Variants in MYH11 observed in about 807,000 individuals in gnomAD.
MYH11 encodes myosin heavy chain 11, also known as myosin-11.
A neutral mutation model predicts 246.6 loss-of-function variants in MYH11; 80 were observed. That is an observed-to-expected ratio of 0.32 (90% CI 0.27 to 0.39). The LOEUF is 0.39. MYH11 is among the 10% of genes least tolerant of loss of function. MYH11 has a pLI of 1.00. For synonymous variants in MYH11, 1,071 were observed against 1,015.5 expected (o/e 1.05, Z -1.04); for missense variants, 2,158 against 2,546.8 (o/e 0.85, Z 3.29).
Position 15,703,849 on chromosome 16 carries a change from T to A in MYH11, c.*142A>T, listed in dbSNP as rs752462194. The A allele has an allele frequency of 3.4e-6, 4 of 1,177,752 alleles. 1 individual carries two copies. The South Asian group carries it at 3.7e-5, about 11-fold the overall frequency. The allele number at this position is 1,177,752 out of a possible 1,614,324, so 73.0% of individuals were successfully genotyped here. A position where few individuals can be genotyped will look rare whatever the true frequency, so the allele number is the denominator to read the frequency against. On this transcript the variant is annotated 3_prime_UTR_variant, in exon 41 of 41. Transcript: ENST00000300036. Reference sequence around the variant, plus strand: ...CCTTGTGTGAGGGGTGTCTGTGATATTTGGAATTTGAGAATGGATTTAGAC... The same window carrying A: ...CCTTGTGTGAGGGGTGTCTGTGATAATTGGAATTTGAGAATGGATTTAGAC...
Position 15,849,233 on chromosome 16 carries a change from T to C in MYH11, c.-18+7708A>G, listed in dbSNP as rs577592852. Among the ~76,000 whole-genome samples the C allele has an allele frequency of 2.0e-4, 31 of 152,310 alleles. No individual in the cohort carries two copies. The Middle Eastern group carries it at 0.01, about 50-fold the overall frequency. ...TTTTGTAGAGATGGGGGTCTTGCTA[T>C]TTTGCCTAGGCTGGTCTCAAACTCC... On this transcript the variant is annotated intron_variant, in intron 1 of 40. Coordinates refer to ENST00000300036, the MANE Select transcript of MYH11 (RefSeq NM_002474.3).
intron 20 of MYH11, 35 bp from the exon 21 acceptor site, chr16:15,741,926 G>A (rs368343020): frequency 3.0e-5 from 48 of 1,613,606 alleles, no homozygotes; most frequent in Non-Finnish European, 3.8e-5. Context: ...ATTTGTTTTT[G>A]TGGCAAAGGG....
In MYH11 at chr16:15,726,874, G is replaced by T; in HGVS notation, c.3832C>A (p.Leu1278Ile). Reference sequence around the variant, plus strand: ...TGCAGCTTGTGGACTTTGTCATTGAGCTCCGCCCGGGCCCGCTCCCCATCG... The same window carrying T: ...TGCAGCTTGTGGACTTTGTCATTGATCTCCGCCCGGGCCCGCTCCCCATCG... The part of the protein sequence containing the change: ...CSDGERARAE[L>I]NDKVHKLQNE... The change falls in exon 28 of 41, where the codon CTC becomes ATC. Residue 1278 changes from leucine to isoleucine, a missense_variant. Physicochemically the swap from Leu to Ile is conservative, Grantham distance 5. Transcript: ENST00000300036. The T allele has an allele frequency of 6.2e-7, 1 of 1,612,084 alleles. No individual in the cohort carries two copies. Among genetic ancestry groups the T allele is most frequent in the Non-Finnish European group, 8.5e-7 (1 of 1,179,992 alleles).
chr16:15,814,067 C>G (rs1410529340), intron 3 of MYH11, among the ~76,000 whole-genome samples: 4 of 151,740 alleles, frequency 2.6e-5, no homozygotes, highest in Non-Finnish European at 5.9e-5. Flanking sequence ...TCGCTTGATC[C>G]TGGGAGGTGG....
At position 15,724,178 on chromosome 16, in the gene MYH11, GCTT is replaced by G; in HGVS notation, c.4345_4347del (p.Lys1449del). 3 of 1,613,786 alleles carry G rather than the reference GCTT, an allele frequency of 1.9e-6. No individual in the cohort carries two copies. Among genetic ancestry groups the G allele is most frequent in the Non-Finnish European group, 2.5e-6 (3 of 1,180,034 alleles). On this transcript the variant is annotated inframe_deletion, in exon 31 of 41. Transcript: ENST00000300036. ...CCCTCTACCTGATCAAATTTCCTCT[GCTT>G]CTTTTCCAGGTTGGACACGAGTTGC... is the stretch of plus-strand genomic sequence containing the variant.
chr16:15,771,379 T>C (rs2042096071), intron 9 of MYH11, among the ~76,000 whole-genome samples, 190 bp downstream of exon 9: 1 of 151,900 alleles, frequency 6.6e-6, no homozygotes, highest in South Asian at 2.1e-4. Context: ...ACCCTAGTTA[T>C]ACAGCCACTT....
At chr16:15,738,021 C>T (rs1282514249) in intron 24 of MYH11, among the ~76,000 whole-genome samples, 4 of 151,996 alleles carry the variant, frequency 2.6e-5, no homozygotes, top group African/African-American at 4.8e-5. Context: ...CTCTTGACCT[C>T]GTGATCCGCC....
chr16:15,750,206 G>C lies in MYH11; in HGVS notation c.1990C>G (p.Leu664Val), dbSNP rs762549707. 9 of 1,614,118 alleles carry C rather than the reference G, an allele frequency of 5.6e-6. No individual in the cohort carries two copies. Among genetic ancestry groups the C allele is most frequent in the Non-Finnish European group, 7.6e-6 (9 of 1,180,048 alleles). The change falls in exon 16 of 41, where the codon CTG becomes GTG. Residue 664 changes from leucine to valine, a missense_variant. Leu to Val is a conservative substitution (Grantham distance 32, BLOSUM62 1). Transcript: ENST00000300036. This position sits in a 1 kb window ranked among gnomAD's most constrained non-coding sequence, Gnocchi z 4.3. ...GQLYKEQLGK[L>V]MTTLRNTTPN... The stretch of plus-strand genomic sequence containing the variant: ...GTGGTGTTGCGTAGCGTGGTCATCA[G>C]CTTGCCCAGCTGCTCCTTGTACAGC...
At chr16:15,722,527 A>T (rs2151213769) in intron 31 of MYH11, among the ~76,000 whole-genome samples, 1 of 152,306 alleles carries the variant, frequency 6.6e-6, no homozygotes, top group South Asian at 2.1e-4. Flanking sequence ...TATGTGTGCC[A>T]CTGCACTACA....
At chr16:15,848,264 G>A (rs904638971) in intron 1 of MYH11, among the ~76,000 whole-genome samples, 3 of 127,030 alleles carry the variant, frequency 2.4e-5, no homozygotes, top group Admixed American at 9.8e-5. Context: ...ACAGAGTCTC[G>A]CTCTGTTACC....
chr16:15,741,966 G>T, intron 20 of MYH11, 75 bp from the exon 21 acceptor site: 1 of 1,585,942 alleles, frequency 6.3e-7, no homozygotes, highest in Admixed American at 1.8e-5. Context: ...TCGATCAGTG[G>T]TTCCGAGCCA....
Position 15,716,713 on chromosome 16 carries a change from C to T in MYH11, c.5504+427G>A, listed in dbSNP as rs1404668574. On this transcript the variant is annotated intron_variant, in intron 38 of 40. Coordinates refer to ENST00000300036, the MANE Select transcript of MYH11 (RefSeq NM_002474.3). The stretch of plus-strand genomic sequence containing the variant: ...ATTTTTGGTACAGACAGGGTTTCAC[C>T]ATGTTGGCCAGGCCGGTCTCAAACT... 2.0e-5 allele frequency among the ~76,000 whole-genome samples: 3 copies of T among 152,164 alleles called. No homozygotes were observed. In the East Asian group the frequency reaches 5.8e-4, roughly 29 times the overall value.
intron 3 of MYH11, among the ~76,000 whole-genome samples, chr16:15,807,726 A>C (rs9302519): frequency 6.6e-6 from 1 of 151,756 alleles, no homozygotes; most frequent in Non-Finnish European, 1.5e-5. Flanking sequence ...ATCCTTAAAC[A>C]TGCCTCTCTC....
chr16:15,839,378 G>A lies in MYH11; in HGVS notation c.-17-1109C>T, dbSNP rs201616394. Reference sequence around the variant, plus strand: ...GAAAAACTATTAGGCTGGTGCAAACGTAAGTGTGGTTATTGAGATAGAAGG... The same window carrying A: ...GAAAAACTATTAGGCTGGTGCAAACATAAGTGTGGTTATTGAGATAGAAGG... On this transcript the variant is annotated intron_variant, in intron 1 of 40. Coordinates refer to ENST00000300036, the MANE Select transcript of MYH11 (RefSeq NM_002474.3). Among the ~76,000 whole-genome samples, 4 of 152,032 alleles carry A rather than the reference G, an allele frequency of 2.6e-5. No homozygotes were observed. In the South Asian group the frequency reaches 6.2e-4, roughly 24 times the overall value.
chr16:15,708,794 G>A, intron 40 of MYH11: 1 of 1,606,222 alleles, frequency 6.2e-7, no homozygotes. Flanking sequence ...GAAGCTGAAG[G>A]CATGATACCT....
rs201991156 is a variant in MYH11 at position 15,750,325 on chromosome 16, C to G, written c.1871G>C (p.Arg624Pro). The change falls in exon 16 of 41, where the codon CGC becomes CCC. Residue 624 changes from arginine to proline, a missense_variant. Arg to Pro is a moderately radical substitution (Grantham distance 103). Coordinates refer to ENST00000300036, the MANE Select transcript of MYH11 (RefSeq NM_002474.3). The surrounding 1 kb of genome is among the most constrained non-coding windows in gnomAD (Gnocchi z 4.3). ...GGCCATCTGGTCCAGGCCCACGATG[C>G]GGTCCACTATGGGGCACAGCCAGGG... ...FVADLWKDVD[R>P]IVGLDQMAKM... 6.2e-7 allele frequency: 1 copy of G among 1,601,096 alleles called. No homozygotes were observed. The highest frequency in any genetic ancestry group is 1.7e-5 in the Admixed American group (1 of 57,262).
At chr16:15,728,380 CCAA>C (rs1377579617) in intron 27 of MYH11, among the ~76,000 whole-genome samples, 4 of 151,652 alleles carry the variant, frequency 2.6e-5, no homozygotes, top group Non-Finnish European at 5.9e-5. Context: ...AAACAAAAAA[CCAA>C]CAACAACGAA....
intron 4 of MYH11, among the ~76,000 whole-genome samples, chr16:15,788,621 C>T (rs1174055293): frequency 1.3e-5 from 2 of 152,172 alleles, no homozygotes; most frequent in Non-Finnish European, 2.9e-5. Flanking sequence ...AATCAAGTGT[C>T]TGATGGCCAA....
chr16:15,770,218 C>A (rs986539035), intron 9 of MYH11, among the ~76,000 whole-genome samples: 4 of 152,200 alleles, frequency 2.6e-5, no homozygotes, highest in African/African-American at 7.2e-5. Flanking sequence ...ATACACCATC[C>A]ATTTGTCAAC....
Sources: allele counts gnomAD v4.1 joint callset (sites outside exome capture counted in the v4.1 genomes callset), GRCh38; gene constraint gnomAD v4.1.1; non-coding constraint Gnocchi (gnomAD v3.1); transcripts MANE v1.5; gene names NCBI Gene and HGNC (gene_info 2026-07-23, HGNC 2026-07-21).